The following NSUN2 variants were observed in gnomAD, a reference collection of about 807,000 sequenced individuals.
NSUN2 encodes the protein RNA cytosine C(5)-methyltransferase NSUN2.
A neutral mutation model predicts 92.7 loss-of-function variants in NSUN2; 63 were observed. That is an observed-to-expected ratio of 0.68 (90% CI 0.56 to 0.84). The LOEUF (loss-of-function observed/expected upper bound fraction) is 0.84. NSUN2 is among the 40% of genes least tolerant of loss of function. The probability of loss-of-function intolerance (pLI) is 0.00; values close to 1 mark genes in which losing one functional copy is unlikely to be tolerated. For synonymous variants in NSUN2, 356 were observed against 348.3 expected (o/e 1.02, Z -0.25); for missense variants, 989 against 964.9 (o/e 1.02, Z -0.33).
chr5:6,629,622 T>C (rs1433868382), intron 3 of NSUN2, among the ~76,000 whole-genome samples: 1 of 152,180 alleles, frequency 6.6e-6, no homozygotes, highest in East Asian at 1.9e-4. Context: ...AATACAAACA[T>C]GCCCGAGGAG....
intron 3 of NSUN2, 71 bp downstream of exon 3, chr5:6,631,802 A>C: frequency 8.5e-7 from 1 of 1,174,220 alleles, no homozygotes. Context: ...TGCAGTACCA[A>C]GAAATATAAT....
At chr5:6,618,974 G>A (rs1737324948) in intron 7 of NSUN2, among the ~76,000 whole-genome samples, 1 of 152,188 alleles carries the variant, frequency 6.6e-6, no homozygotes, top group Non-Finnish European at 1.5e-5. Flanking sequence ...ATTCCTGGCT[G>A]TACACTAGTT....
intron 11 of NSUN2, 39 bp downstream of exon 11, chr5:6,610,916 C>T: frequency 6.2e-7 from 1 of 1,611,244 alleles, no homozygotes; most frequent in Non-Finnish European, 8.5e-7. Flanking sequence ...GGGGCTTAAC[C>T]TTCCCCCCTC....
Position 6,623,222 on chromosome 5 carries a change from G to A in NSUN2, c.529C>T (p.His177Tyr), listed in dbSNP as rs149196615. The change falls in exon 5 of 19, where the codon CAT becomes TAT. Residue 177 changes from histidine (H) to tyrosine (Y), a missense_variant. Transcript: ENST00000264670. The stretch of plus-strand genomic sequence containing the variant: ...TAGTTGCTATATGCTACCTTATGAT[G>A]AGGCCGCACGTTGAGGAGCAGTGGT... ...IPPLLLNVRP[H>Y]HKILDMCAAP... 979 of 1,604,466 alleles carry A rather than the reference G, an allele frequency of 6.1e-4. 2 individuals carry two copies. Among genetic ancestry groups the A allele is most frequent in the Admixed American group, 8.6e-4 (50 of 57,892 alleles).
chr5:6,608,227 G>A (rs1451419851), intron 12 of NSUN2, among the ~76,000 whole-genome samples: 1 of 152,204 alleles, frequency 6.6e-6, no homozygotes, highest in African/African-American at 2.4e-5. Flanking sequence ...GTCAGTGAGG[G>A]CACACGCCCT....
chr5:6,606,908 G>C lies in NSUN2; in HGVS notation c.1513C>G (p.Pro505Ala). 1 of 1,566,706 alleles carries C rather than the reference G, an allele frequency of 6.4e-7. No homozygotes were observed. Among genetic ancestry groups the C allele is most frequent in the South Asian group, 1.1e-5 (1 of 88,980 alleles). The change falls in exon 14 of 19, where the codon CCT (proline) becomes GCT (alanine). Residue 505 changes from proline (P) to alanine (A), a missense_variant. By Grantham distance (27) the Pro-to-Ala change is conservative (BLOSUM62 -1). Coordinates refer to ENST00000264670, the MANE Select transcript of NSUN2 (RefSeq NM_017755.6). The stretch of plus-strand genomic sequence containing the variant: ...AATAACTTCATTTTCTTTGATGGAG[G>C]AGGACTAAAAAGGGAATCAGGATGA... ...GSKKDGVCGP[P>A]PSKKMKLFGF...
intron 15 of NSUN2, 192 bp from the exon 16 acceptor site, chr5:6,604,877 G>C (rs1485729147): frequency 3.3e-6 from 2 of 614,856 alleles, no homozygotes; most frequent in South Asian, 2.0e-5. Context: ...GGACAGTAAA[G>C]CAAATGAAAG....
intron 9 of NSUN2, among the ~76,000 whole-genome samples, chr5:6,613,234 T>C (rs1351815707): frequency 6.6e-6 from 1 of 152,214 alleles, no homozygotes; most frequent in Non-Finnish European, 1.5e-5. Context: ...ATTGGAATGT[T>C]AGGTGAAAAA....
chr5:6,602,383 T>G, intron 18 of NSUN2, 78 bp downstream of exon 18: 1 of 1,430,754 alleles, frequency 7.0e-7, no homozygotes, highest in Non-Finnish European at 9.8e-7. Flanking sequence ...CCTTCCCAAG[T>G]CACTTTCCTC....
intron 6 of NSUN2, chr5:6,621,593 A>G (rs796398715): frequency 1.3e-5 from 2 of 154,868 alleles, no homozygotes; most frequent in African/African-American, 4.8e-5. Context: ...CTAAAAATAC[A>G]AAAAATTACC....
chr5:6,606,586 A>C (rs1316205400), intron 14 of NSUN2, among the ~76,000 whole-genome samples: 1 of 151,718 alleles, frequency 6.6e-6, no homozygotes, highest in African/African-American at 2.4e-5. Flanking sequence ...CGCCCGGTCC[A>C]GTTTTTTTTT....
chr5:6,611,929 C>T lies in NSUN2; in HGVS notation c.1022-131G>A, dbSNP rs1000425733. 9.1e-6 allele frequency: 7 copies of T among 773,008 alleles called. No individual in the cohort carries two copies. In the Admixed American group the frequency reaches 1.0e-4, roughly 11 times the overall value. The allele number at this position is 773,008 out of a possible 1,614,324, so 47.9% of individuals were successfully genotyped here. ...ACAGAAAATGTCCAGGGAAGGCAAA[C>T]CCGTCGACAGAAAGTGGATGAGTGG... On this transcript the variant is annotated intron_variant, in intron 9 of 18. Transcript: ENST00000264670.
chr5:6,604,707 G>A, intron 15 of NSUN2, 22 bp from the exon 16 acceptor site: 1 of 1,586,398 alleles, frequency 6.3e-7, no homozygotes, highest in Non-Finnish European at 8.7e-7. Flanking sequence ...AAAATAAGAT[G>A]AAACACAGAG....
intron 7 of NSUN2, 88 bp from the exon 8 acceptor site, chr5:6,618,112 A>C: frequency 1.2e-6 from 1 of 817,422 alleles, no homozygotes; most frequent in Non-Finnish European, 2.0e-6. Flanking sequence ...CTAAGTTACA[A>C]AACAAGTGTT....
chr5:6,623,099 G>C, intron 5 of NSUN2, 115 bp downstream of exon 5: 1 of 743,064 alleles, frequency 1.3e-6, no homozygotes, highest in Non-Finnish European at 2.1e-6. Context: ...TATCCAAAGT[G>C]AAAAGAAGAA....
chr5:6,604,762 G>T, intron 15 of NSUN2, 77 bp from the exon 16 acceptor site: 1 of 1,213,492 alleles, frequency 8.2e-7, no homozygotes, highest in South Asian at 1.2e-5. Context: ...GGGCCACATG[G>T]AGCAACCGTC....
At chr5:6,625,493 A>T in intron 4 of NSUN2, 71 bp downstream of exon 4, 1 of 1,176,324 alleles carries the variant, frequency 8.5e-7, no homozygotes, top group South Asian at 1.3e-5. Context: ...AAGAACCTAA[A>T]AACAGAACTA....
Position 6,604,220 on chromosome 5 carries a change from T to G in NSUN2, c.1875A>C (p.Glu625Asp). 3 of 1,607,890 alleles carry G rather than the reference T, an allele frequency of 1.9e-6. No homozygotes were observed. The highest frequency in any genetic ancestry group is 1.1e-5 in the South Asian group (1 of 90,920). Residue 625 changes from glutamate (E) to aspartate (D), a missense_variant, in exon 17 of 19, where the codon GAA becomes GAC. Coordinates refer to ENST00000264670, the MANE Select transcript of NSUN2 (RefSeq NM_017755.6). ...INSRIITVSM[E>D]DVKILLTQEN... ...CCTGGGTCAACAGTATCTTAACATC[T>G]TCCATTGATACAGTAATAATTCTTG...
intron 6 of NSUN2, chr5:6,621,673 A>G (rs1481185048): frequency 3.4e-5 from 6 of 178,366 alleles, no homozygotes; most frequent in Non-Finnish European, 7.1e-5. Context: ...GCGTGAACCC[A>G]GGAGGTGGAA....
Sources: allele counts gnomAD v4.1 joint callset (sites outside exome capture counted in the v4.1 genomes callset), GRCh38; gene constraint gnomAD v4.1.1; transcripts MANE v1.5; gene names NCBI Gene and HGNC (gene_info 2026-07-23, HGNC 2026-07-21).